KIR2DL4: variants seen among roughly 807,000 people sequenced by gnomAD.
The protein encoded by KIR2DL4 is killer cell immunoglobulin-like receptor 2DL4.
A neutral mutation model predicts 31.0 loss-of-function variants in KIR2DL4; 41 were observed. The ratio of observed to expected loss-of-function variants is 1.32; its 90% confidence interval spans 1.03 to 1.72. The LOEUF (loss-of-function observed/expected upper bound fraction) is 1.72, where lower values mean the gene tolerates loss of function less well. Among genes scored for constraint, KIR2DL4 ranks in the 40% most tolerant of loss-of-function variants. The pLI, the probability that KIR2DL4 is intolerant of heterozygous loss-of-function variation, is 0.00. For missense variants in KIR2DL4, 438 were observed against 353.7 expected (o/e 1.24, Z -1.91); for synonymous variants, 164 against 133.6 (o/e 1.23, Z -1.57).
chr19:54,808,528 G>A (rs1443140541), intron 4 of KIR2DL4, among the ~76,000 whole-genome samples: 5 of 149,750 alleles, frequency 3.3e-5, no homozygotes, highest in East Asian at 2.0e-4. Flanking sequence ...GATTACATCC[G>A]TGTTCTTCAT....
At chr19:54,813,585 G>A (rs2061008296) in intron 6 of KIR2DL4, 105 bp from the exon 6 acceptor site, 1 of 1,175,446 alleles carries the variant, frequency 8.5e-7, no homozygotes, top group South Asian at 1.3e-5. Flanking sequence ...GGCAGCTGAG[G>A]GACCTCAGGC....
chr19:54,808,805 C>T, intron 4 of KIR2DL4, 28 bp from the exon 5 acceptor site: 4 of 1,506,352 alleles, frequency 2.7e-6, no homozygotes, highest in Non-Finnish European at 3.7e-6. Context: ...TCCTCATTGC[C>T]ACACCTCTCT....
At chr19:54,811,715 G>C (rs2060878593) in intron 5 of KIR2DL4, among the ~76,000 whole-genome samples, 1 of 151,292 alleles carries the variant, frequency 6.6e-6, no homozygotes, top group African/African-American at 2.4e-5. Flanking sequence ...ATAGATCATG[G>C]GGAGGTAAAA....
chr19:54,803,745 G>A, intron 1 of KIR2DL4, 54 bp downstream of exon 1: 2 of 1,590,228 alleles, frequency 1.3e-6, no homozygotes, highest in Non-Finnish European at 1.7e-6. Flanking sequence ...CTGCAGATTG[G>A]GTGTCTCCCC....
chr19:54,803,945 G>C lies in KIR2DL4; in HGVS notation c.76+19G>C, dbSNP rs1346571893. 17 of 1,606,464 alleles carry C rather than the reference G, an allele frequency of 1.1e-5. 1 individual carries two copies. The highest frequency in any genetic ancestry group is 1.4e-5 in the Non-Finnish European group (17 of 1,176,158). Reference sequence around the variant, plus strand: ...CACGTGGGTGAGTCCTTCCCCAAATGATGGGTTGCCATCTTCACCCCAATA... The same window carrying C: ...CACGTGGGTGAGTCCTTCCCCAAATCATGGGTTGCCATCTTCACCCCAATA... On this transcript the variant is annotated intron_variant, in intron 2 of 7. Coordinates refer to ENST00000359085, the Ensembl canonical transcript of KIR2DL4.
At chr19:54,811,441 C>T (rs1395296636) in intron 5 of KIR2DL4, among the ~76,000 whole-genome samples, 3 of 151,252 alleles carry the variant, frequency 2.0e-5, no homozygotes, top group South Asian at 2.1e-4. Flanking sequence ...ATAACATACA[C>T]GAATGACAAA....
At chr19:54,804,842 T>C (rs1318232553) in exon 3 of KIR2DL4, 2 of 1,612,270 alleles carry the variant, frequency 1.2e-6, no homozygotes, top group East Asian at 4.5e-5. Flanking sequence ...CTGTGGTGCC[T>C]CAAGGAGGAC....
At chr19:54,811,895 A>G (rs1053941824) in intron 5 of KIR2DL4, among the ~76,000 whole-genome samples, 1 of 151,104 alleles carries the variant, frequency 6.6e-6, no homozygotes, top group African/African-American at 2.5e-5. Context: ...CTAATATCTG[A>G]CTCCCAAGAT....
intron 5 of KIR2DL4, among the ~76,000 whole-genome samples, chr19:54,810,354 C>T (rs1252793247): frequency 6.6e-6 from 1 of 151,050 alleles, no homozygotes; most frequent in Non-Finnish European, 1.5e-5. Context: ...CTCAAACTCC[C>T]AACCTTAAGG....
intron 5 of KIR2DL4, among the ~76,000 whole-genome samples, chr19:54,811,099 T>C (rs2060840745): frequency 6.6e-6 from 1 of 151,272 alleles, no homozygotes; most frequent in African/African-American, 2.4e-5. Flanking sequence ...AAGAGACCTA[T>C]TATAATATAA....
chr19:54,808,381 G>A lies in KIR2DL4; in HGVS notation c.656-452G>A, dbSNP rs377144235. ...CATTTTCATCTGATTTTTGTGTATG[G>A]TGAGAGGTAGAGGTGCAGTTTCATC... On this transcript the variant is annotated intron_variant, in intron 4 of 7. Coordinates refer to ENST00000359085, the Ensembl canonical transcript of KIR2DL4. Among the ~76,000 whole-genome samples the A allele has an allele frequency of 2.5e-3, 378 of 151,404 alleles. 13 individuals carry two copies. The highest frequency in any genetic ancestry group is 8.3e-3 in the African/African-American group (342 of 41,062).
chr19:54,806,540 C>T (rs2060542811), intron 4 of KIR2DL4, among the ~76,000 whole-genome samples: 2 of 151,288 alleles, frequency 1.3e-5, no homozygotes, highest in Admixed American at 1.3e-4. Context: ...CCCTCAGCCC[C>T]TCAACCTTAC....
At chr19:54,804,250 G>C (rs1601111553) in intron 2 of KIR2DL4, among the ~76,000 whole-genome samples, 1 of 151,024 alleles carries the variant, frequency 6.6e-6, no homozygotes, top group East Asian at 1.9e-4. Flanking sequence ...GGTGCTCAAA[G>C]CTGGGGTGTG....
chr19:54,810,630 G>C (rs371261951), intron 5 of KIR2DL4, among the ~76,000 whole-genome samples: 21,129 of 150,584 alleles, frequency 0.14, 1,976 homozygotes, highest in Middle Eastern at 0.2. Context: ...GGCTCTGCCT[G>C]AAATGCTGGG....
chr19:54,805,387 T>A (rs1171921133), intron 3 of KIR2DL4, among the ~76,000 whole-genome samples: 1 of 150,950 alleles, frequency 6.6e-6, no homozygotes, highest in Non-Finnish European at 1.5e-5. Flanking sequence ...CTCAGTGTAA[T>A]CACAAGGGTC....
chr19:54,806,265 T>A, intron 4 of KIR2DL4, 21 bp downstream of exon 4: 2 of 1,603,718 alleles, frequency 1.2e-6, no homozygotes, highest in Non-Finnish European at 1.7e-6. Flanking sequence ...CCAATGTCTG[T>A]CCCATGTCCT....
intron 6 of KIR2DL4, chr19:54,813,363 G>A (rs2060992577): frequency 7.1e-7 from 1 of 1,399,218 alleles, no homozygotes; most frequent in African/African-American, 1.5e-5. Flanking sequence ...GCTTTCTAGA[G>A]AGAGCACCAG....
exon 7 of KIR2DL4, chr19:54,813,698 G>A: frequency 6.2e-7 from 1 of 1,612,042 alleles, no homozygotes; most frequent in Non-Finnish European, 8.5e-7. Context: ...AGATGCTGCT[G>A]TAATGAACCA....
chr19:54,803,909 G>T (rs2060331760), exon 2 of KIR2DL4: 1 of 1,609,732 alleles, frequency 6.2e-7, no homozygotes, highest in African/African-American at 1.4e-5. Context: ...TTGGACCAGA[G>T]TGTGTGGGCA....
Sources: gnomAD v4.1 joint callset for allele counts (sites outside exome capture counted in the v4.1 genomes callset) on GRCh38, gnomAD v4.1.1 for gene constraint, MANE v1.5 for transcripts, NCBI Gene and HGNC (gene_info 2026-07-23, HGNC 2026-07-21) for gene names.